SORBS2: variants seen among roughly 807,000 people sequenced by gnomAD.
SORBS2 encodes sorbin and SH3 domain-containing protein 2.
A neutral mutation model predicts 97.7 loss-of-function variants in SORBS2; 46 were observed. That is an observed-to-expected ratio of 0.47 (90% CI 0.37 to 0.60). The LOEUF is 0.60. SORBS2 is among the 20% of genes least tolerant of loss of function. SORBS2 has a pLI of 0.00. For missense variants in SORBS2, 1,316 were observed against 1,282.3 expected (o/e 1.03, Z -0.40); for synonymous variants, 476 against 473.4 (o/e 1.01, Z -0.07).
chr4:185,820,650 A>G (rs531491724), intron 1 of SORBS2, among the ~76,000 whole-genome samples: 1 of 152,346 alleles, frequency 6.6e-6, no homozygotes, highest in East Asian at 1.9e-4. Flanking sequence ...CCTTGCAGAC[A>G]GCGTCTCAGC....
At chr4:185,696,314 C>A (rs1055189435) in intron 2 of SORBS2, among the ~76,000 whole-genome samples, 1 of 152,178 alleles carries the variant, frequency 6.6e-6, no homozygotes, top group Non-Finnish European at 1.5e-5. Flanking sequence ...TATCAATTTT[C>A]CCTAAAGACT....
intron 1 of SORBS2, among the ~76,000 whole-genome samples, chr4:185,828,222 A>G (rs990075089): frequency 6.6e-6 from 1 of 152,158 alleles, no homozygotes; most frequent in African/African-American, 2.4e-5. Context: ...ACAGGATGCT[A>G]TGGTGCTGAG....
At chr4:185,806,705 G>T (rs1007108785) in intron 1 of SORBS2, among the ~76,000 whole-genome samples, 31 of 151,928 alleles carry the variant, frequency 2.0e-4, no homozygotes, top group African/African-American at 7.0e-4. Context: ...TGATCCGCCC[G>T]CCTCGGCCTC....
intron 1 of SORBS2, among the ~76,000 whole-genome samples, chr4:185,935,148 C>A (rs984228905): frequency 6.6e-6 from 1 of 152,144 alleles, no homozygotes; most frequent in Admixed American, 6.5e-5. Flanking sequence ...TACCCACAAA[C>A]CAATAGGCAA....
At chr4:185,724,840 T>A (rs1391165191) in intron 2 of SORBS2, among the ~76,000 whole-genome samples, 1 of 152,214 alleles carries the variant, frequency 6.6e-6, no homozygotes, top group South Asian at 2.1e-4. Flanking sequence ...TTTTCCTGAG[T>A]TGATTATTCT....
intron 1 of SORBS2, among the ~76,000 whole-genome samples, chr4:185,810,151 C>T (rs2099173675): frequency 6.6e-6 from 1 of 152,230 alleles, no homozygotes; most frequent in Admixed American, 6.5e-5. Flanking sequence ...CCCTACAACC[C>T]GCATAGGCGT....
chr4:185,926,098 C>A (rs886707434), intron 1 of SORBS2, among the ~76,000 whole-genome samples: 1 of 152,228 alleles, frequency 6.6e-6, no homozygotes, highest in Admixed American at 6.5e-5. Flanking sequence ...AGCTGGAGAG[C>A]AAGGACTGCG....
At chr4:185,676,223 G>A (rs532542991) in intron 4 of SORBS2, among the ~76,000 whole-genome samples, 5 of 152,074 alleles carry the variant, frequency 3.3e-5, no homozygotes, top group African/African-American at 4.8e-5. Context: ...TTCTTTGTTC[G>A]GACTCACAGA....
At chr4:185,801,674 C>A (rs930517870) in intron 1 of SORBS2, among the ~76,000 whole-genome samples, 2 of 149,588 alleles carry the variant, frequency 1.3e-5, no homozygotes, top group Non-Finnish European at 3.0e-5. Flanking sequence ...TCATCTCTCT[C>A]TCTCTCTCTC....
intron 1 of SORBS2, among the ~76,000 whole-genome samples, chr4:185,842,779 C>CA (rs2099212347): frequency 6.6e-6 from 1 of 151,732 alleles, no homozygotes; most frequent in East Asian, 1.9e-4. Flanking sequence ...TACTAAAATA[C>CA]AAAAAATTAG....
chr4:185,898,999 G>T (rs1235707260), intron 1 of SORBS2, among the ~76,000 whole-genome samples: 1 of 151,638 alleles, frequency 6.6e-6, no homozygotes, highest in Non-Finnish European at 1.5e-5. Flanking sequence ...TTTTTTTTAA[G>T]CTCATACTTC....
At chr4:185,874,794 T>G (rs903053682) in intron 1 of SORBS2, among the ~76,000 whole-genome samples, 1 of 150,876 alleles carries the variant, frequency 6.6e-6, no homozygotes, top group African/African-American at 2.4e-5. Flanking sequence ...GCTCCTAACA[T>G]AGGAACGAGG....
At chr4:185,642,102 T>C (rs1299074987) in intron 4 of SORBS2, among the ~76,000 whole-genome samples, 1 of 152,180 alleles carries the variant, frequency 6.6e-6, no homozygotes, top group Admixed American at 6.5e-5. Flanking sequence ...GTTTTATATT[T>C]ATTGTGGTTT....
intron 1 of SORBS2, among the ~76,000 whole-genome samples, chr4:185,806,309 T>C (rs1158274090): frequency 6.6e-5 from 10 of 152,238 alleles, no homozygotes; most frequent in Admixed American, 1.3e-4. Flanking sequence ...TTCTCCAACA[T>C]AGCCAAAATC....
At chr4:185,827,920 TCATCAC>T (rs2099202665) in intron 1 of SORBS2, among the ~76,000 whole-genome samples, 1 of 144,508 alleles carries the variant, frequency 6.9e-6, no homozygotes, top group African/African-American at 2.6e-5. Flanking sequence ...ATCATCATCA[TCATCAC>T]CATCATCACC....
At chr4:185,764,768 G>A (rs553990884) in intron 2 of SORBS2, among the ~76,000 whole-genome samples, 1 of 152,194 alleles carries the variant, frequency 6.6e-6, no homozygotes, top group African/African-American at 2.4e-5. Flanking sequence ...AAATGATGAA[G>A]AGAATAATAT....
intron 2 of SORBS2, among the ~76,000 whole-genome samples, chr4:185,767,468 C>G (rs1308751803): frequency 3.0e-5 from 4 of 133,174 alleles, no homozygotes; most frequent in Admixed American, 1.7e-4. Flanking sequence ...CCCCTGCACT[C>G]CAGCCTGGGC....
intron 1 of SORBS2, 128 bp downstream of exon 1, chr4:185,811,536 C>CGT (rs2099185141): frequency 6.6e-6 from 1 of 152,068 alleles, no homozygotes; most frequent in African/African-American, 2.4e-5. Flanking sequence ...TGTGTGTATG[C>CGT]GTGTGTGTAT....
chr4:185,721,204 A>C (rs60769273), intron 2 of SORBS2, among the ~76,000 whole-genome samples: 3,965 of 146,964 alleles, frequency 0.027, 204 homozygotes, highest in African/African-American at 0.095. Context: ...CCTCCTGAGT[A>C]GTTGGGATTA....
Sources: gnomAD v4.1 joint callset for allele counts (sites outside exome capture counted in the v4.1 genomes callset) on GRCh38, gnomAD v4.1.1 for gene constraint, MANE v1.5 for transcripts, NCBI Gene and HGNC (gene_info 2026-07-23, HGNC 2026-07-21) for gene names.